The following ZNF367 variants were observed in gnomAD, a reference collection of about 807,000 sequenced individuals.
ZNF367 encodes zinc finger protein 367.
In ZNF367, 11 loss-of-function variants were observed where a neutral mutation model predicts 31.8. That is an observed-to-expected ratio of 0.35 (90% confidence interval 0.22 to 0.57). ZNF367 has a LOEUF of 0.57. ZNF367 is among the 20% of genes least tolerant of loss of function. ZNF367 has a pLI of 0.85. For synonymous variants in ZNF367, 199 were observed against 202.4 expected, an observed-to-expected ratio of 0.98 and a Z score of 0.14; for missense variants, 353 against 484.1, an observed-to-expected ratio of 0.73 and a Z score of 2.54.
intron 1 of ZNF367, chr9:96,407,492 AAAAG>A: frequency 7.7e-7 from 1 of 1,302,324 alleles, no homozygotes; most frequent in Non-Finnish European, 1.1e-6. Context: ...AAGATGCATG[AAAAG>A]AAAAACACCA....
intron 1 of ZNF367, among the ~76,000 whole-genome samples, chr9:96,411,007 G>A (rs1831740858): frequency 6.7e-6 from 1 of 148,736 alleles, no homozygotes. Flanking sequence ...GACCAGCCTG[G>A]ACAACATAGT....
In ZNF367 at chr9:96,417,976, G is replaced by GGGC. The variant is rs553637829; in HGVS notation, c.54_56dup (p.Pro19dup). 26,645 of 1,446,292 alleles carry GGGC rather than the reference G, an allele frequency of 0.018. 254 individuals carry two copies. Among genetic ancestry groups the GGGC allele is most frequent in the Non-Finnish European group, 0.021 (22,763 of 1,104,138 alleles). The allele number at this position is 1,446,292 out of a possible 1,614,324, so 89.6% of individuals were successfully genotyped here. ...TCGGGGAGTCGTGGCAGAAGATGAC[G>GGGC]GGCGGCGGCGGCGGCGGCGGGTTCT... is the stretch of plus-strand genomic sequence containing the variant. On this transcript the variant is annotated inframe_insertion, in exon 1 of 5. Transcript: ENST00000375256. The surrounding 1 kb of genome is among the most constrained non-coding windows in gnomAD (Gnocchi z 5.0).
In ZNF367 at chr9:96,418,226, C is replaced by T. The variant is rs1322119546; in HGVS notation, c.-194G>A. ...CCGGCGGGCAGGGCTGGACCCCAGC[C>T]CCAGGTCAAGCGCGCCCTCCGCTCT... On this transcript the variant is annotated 5_prime_UTR_variant, in exon 1 of 5. Transcript: ENST00000375256. 1.2e-6 allele frequency: 1 copy of T among 827,044 alleles called. No homozygotes were observed. The highest frequency in any genetic ancestry group is 1.6e-6 in the Non-Finnish European group (1 of 616,478). 51.2% of individuals were successfully genotyped at this position (827,044 alleles called of 1,614,324 possible).
rs1168505821 is a variant in ZNF367 at position 96,417,397 on chromosome 9, A to T, written c.420+216T>A. 6.6e-6 allele frequency among the ~76,000 whole-genome samples: 1 copy of T among 150,942 alleles called. No homozygotes were observed. Among genetic ancestry groups the T allele is most frequent in the East Asian group, 2.0e-4 (1 of 5,020 alleles). On this transcript the variant is annotated intron_variant, in intron 1 of 4. Coordinates refer to ENST00000375256, the MANE Select transcript of ZNF367 (RefSeq NM_153695.4). This position sits in a 1 kb window ranked among gnomAD's most constrained non-coding sequence, Gnocchi z 5.0. ...GCTCCCGCCCACTGCACCTGCCGCA[A>T]GGACGGTCTCCCGCGCCGCTCCCGC...
rs2131086881 is a variant in ZNF367 at position 96,418,263 on chromosome 9, A to C, written c.-231T>G. ...GCGCCCTCCGCTCTTTGTACTCCGC[A>C]GCGCAGGCTGCAGGGGTGGGAAGCA... On this transcript the variant is annotated 5_prime_UTR_variant, in exon 1 of 5. Coordinates refer to ENST00000375256, the MANE Select transcript of ZNF367 (RefSeq NM_153695.4). 1.9e-6 allele frequency: 1 copy of C among 525,154 alleles called. No homozygotes were observed. The highest frequency in any genetic ancestry group is 2.0e-5 in the African/African-American group (1 of 51,022). 32.5% of individuals were successfully genotyped at this position (525,154 alleles called of 1,614,324 possible). A position where few individuals can be genotyped will look rare whatever the true frequency, so the allele number is the denominator to read the frequency against.
chr9:96,412,250 G>C (rs541827351), intron 1 of ZNF367, among the ~76,000 whole-genome samples: 65 of 152,116 alleles, frequency 4.3e-4, no homozygotes, highest in Admixed American at 2.4e-3. Context: ...GACTGTTGAC[G>C]ATTCGCAACA....
At chr9:96,410,511 G>T (rs193079740) in intron 1 of ZNF367, among the ~76,000 whole-genome samples, 2 of 145,676 alleles carry the variant, frequency 1.4e-5, no homozygotes, top group Non-Finnish European at 3.0e-5. Context: ...GCAGTGAGCC[G>T]AGATGGCACC....
intron 1 of ZNF367, among the ~76,000 whole-genome samples, chr9:96,405,603 A>G (rs1047691318): frequency 6.6e-6 from 1 of 152,180 alleles, no homozygotes; most frequent in African/African-American, 2.4e-5. Flanking sequence ...ATGTATACAT[A>G]TATAATGAAA....
At chr9:96,408,618 C>T (rs1015039898) in intron 1 of ZNF367, among the ~76,000 whole-genome samples, 8 of 151,798 alleles carry the variant, frequency 5.3e-5, no homozygotes, top group South Asian at 2.1e-4. Flanking sequence ...TAGAGAGGGG[C>T]GGGGGAAAGG....
At chr9:96,398,408 G>T in intron 1 of ZNF367, 94 bp from the exon 2 acceptor site, 1 of 1,213,458 alleles carries the variant, frequency 8.2e-7, no homozygotes, top group African/African-American at 1.5e-5. Flanking sequence ...TCTTTCTTGG[G>T]AGCTGGGCGC....
intron 1 of ZNF367, among the ~76,000 whole-genome samples, chr9:96,403,126 T>C (rs113191959): frequency 0.028 from 4,230 of 152,148 alleles, 77 homozygotes; most frequent in Middle Eastern, 0.058. Context: ...TGTGCCACCA[T>C]ACCCAGATAA....
rs971626940 is a variant in ZNF367, at chr9:96,386,834, G to A, written c.*1403C>T. ...ACTTTGTAATGTTTAAACTACATCTGTAGGAACGTCTTCAACTCAAAAAAG... is the reference window on the plus strand; with the variant it reads ...ACTTTGTAATGTTTAAACTACATCTATAGGAACGTCTTCAACTCAAAAAAG... On this transcript the variant is annotated 3_prime_UTR_variant, in exon 5 of 5. Transcript: ENST00000375256. The A allele has an allele frequency of 6.6e-6, 1 of 152,096 alleles. No individual in the cohort carries two copies. The highest frequency in any genetic ancestry group is 1.5e-5 in the Non-Finnish European group (1 of 68,016). 9.4% of individuals were successfully genotyped at this position (152,096 alleles called of 1,614,324 possible).
chr9:96,416,651 C>T (rs779334483), intron 1 of ZNF367, among the ~76,000 whole-genome samples: 13 of 152,150 alleles, frequency 8.5e-5, no homozygotes, highest in Non-Finnish European at 1.9e-4. Flanking sequence ...AATTGCTTAT[C>T]TTATACAGCC....
intron 1 of ZNF367, among the ~76,000 whole-genome samples, chr9:96,406,173 G>C (rs1405718243): frequency 6.6e-6 from 1 of 152,064 alleles, no homozygotes; most frequent in Non-Finnish European, 1.5e-5. Flanking sequence ...TCCCAGTTAA[G>C]TGAACTTTCA....
chr9:96,403,718 G>A (rs1831637581), intron 1 of ZNF367, among the ~76,000 whole-genome samples: 1 of 152,068 alleles, frequency 6.6e-6, no homozygotes, highest in African/African-American at 2.4e-5. Flanking sequence ...ATACATGAAA[G>A]GCCAATTGAT....
chr9:96,416,299 G>A (rs1053984682), intron 1 of ZNF367, among the ~76,000 whole-genome samples: 3 of 151,870 alleles, frequency 2.0e-5, no homozygotes, highest in South Asian at 2.1e-4. Context: ...TGTTAGCCAG[G>A]ATGGTCTTGA....
intron 3 of ZNF367, among the ~76,000 whole-genome samples, chr9:96,393,034 G>A (rs753241633): frequency 6.6e-6 from 1 of 152,008 alleles, no homozygotes; most frequent in Non-Finnish European, 1.5e-5. Flanking sequence ...GCCGTGAGCC[G>A]AGATCACGCC....
At chr9:96,415,053 A>ATT (rs566763002) in intron 1 of ZNF367, among the ~76,000 whole-genome samples, 14 of 142,542 alleles carry the variant, frequency 9.8e-5, no homozygotes, top group Admixed American at 4.2e-4. Flanking sequence ...ACCCATCCAA[A>ATT]TTTTTTTTTT....
At chr9:96,399,600 C>T (rs898385892) in intron 1 of ZNF367, among the ~76,000 whole-genome samples, 1 of 152,110 alleles carries the variant, frequency 6.6e-6, no homozygotes. Context: ...AGTGGATCAC[C>T]TGAGGTCAGG....
Sources: allele counts gnomAD v4.1 joint callset (sites outside exome capture counted in the v4.1 genomes callset), GRCh38; gene constraint gnomAD v4.1.1; non-coding constraint Gnocchi (gnomAD v3.1); transcripts MANE v1.5; gene names NCBI Gene and HGNC (gene_info 2026-07-23, HGNC 2026-07-21).